KIF23: variants seen among roughly 807,000 people sequenced by gnomAD.
The protein encoded by KIF23 is kinesin-like protein KIF23.
A neutral mutation model predicts 137.5 loss-of-function variants in KIF23; 30 were observed. That is an observed-to-expected ratio of 0.22 (90% CI 0.16 to 0.30). The LOEUF (loss-of-function observed/expected upper bound fraction) is 0.30. Ranked by LOEUF, KIF23 falls within the 10% of genes least tolerant of loss-of-function variation. KIF23 has a pLI of 1.00. For synonymous variants in KIF23, 367 were observed against 391.1 expected, an observed-to-expected ratio of 0.94 and a Z score of 0.73; for missense variants, 920 against 1,194.3, an observed-to-expected ratio of 0.77 and a Z score of 3.38.
At chr15:69,418,856 C>G (rs2056982826) in intron 3 of KIF23, among the ~76,000 whole-genome samples, 1 of 152,186 alleles carries the variant, frequency 6.6e-6, no homozygotes, top group African/African-American at 2.4e-5. Flanking sequence ...GAGGCTCATG[C>G]CTGCAGTCTC....
intron 5 of KIF23, 80 bp from the exon 6 acceptor site, chr15:69,422,246 G>GT: frequency 3.4e-6 from 5 of 1,449,960 alleles, no homozygotes; most frequent in Non-Finnish European, 4.7e-6. Context: ...CTGTTCCTTA[G>GT]TTTTTAAACA....
chr15:69,432,711 A>G (rs933272031), intron 11 of KIF23, among the ~76,000 whole-genome samples: 1 of 152,172 alleles, frequency 6.6e-6, no homozygotes, highest in Admixed American at 6.5e-5. Context: ...TGTGTTTTAA[A>G]AGTATTCTTA....
intron 7 of KIF23, among the ~76,000 whole-genome samples, chr15:69,423,992 T>G (rs2057126732): frequency 6.6e-6 from 1 of 152,208 alleles, no homozygotes; most frequent in African/African-American, 2.4e-5. Flanking sequence ...AGCTAAAGGC[T>G]TGTCTTTAAT....
At chr15:69,424,962 A>G (rs1242206381) in intron 7 of KIF23, among the ~76,000 whole-genome samples, 1 of 152,226 alleles carries the variant, frequency 6.6e-6, no homozygotes, top group Non-Finnish European at 1.5e-5. Context: ...TCAAAGGATC[A>G]TATCTTGGCT....
chr15:69,440,615 A>G (rs1209474692), intron 18 of KIF23, 128 bp downstream of exon 18: 2 of 1,161,320 alleles, frequency 1.7e-6, no homozygotes, highest in Admixed American at 6.2e-5. Flanking sequence ...AAAATATTTT[A>G]AAATTTAGAA....
At chr15:69,422,652 T>A (rs1312046675) in intron 6 of KIF23, among the ~76,000 whole-genome samples, 1 of 152,166 alleles carries the variant, frequency 6.6e-6, no homozygotes, top group East Asian at 1.9e-4. Context: ...CCACTCTGGA[T>A]GGGGAGAGGG....
chr15:69,416,617 A>C (rs1222735966), intron 2 of KIF23, among the ~76,000 whole-genome samples: 1 of 152,202 alleles, frequency 6.6e-6, no homozygotes, highest in Non-Finnish European at 1.5e-5. Context: ...TGCTTTGCAC[A>C]CAGCTGAATG....
intron 19 of KIF23, chr15:69,443,814 C>G (rs1408993864): frequency 4.6e-5 from 7 of 152,022 alleles, no homozygotes; most frequent in Admixed American, 3.9e-4. Context: ...GGGTCTCATT[C>G]TATTGCCCAG....
intron 1 of KIF23, 161 bp downstream of exon 1, chr15:69,414,637 C>T (rs1020030758): frequency 4.1e-6 from 3 of 724,316 alleles, no homozygotes; most frequent in East Asian, 3.5e-5. Context: ...GGAACCTCCA[C>T]GTGTGGCCGC....
intron 3 of KIF23, 77 bp from the exon 4 acceptor site, chr15:69,421,570 C>T: frequency 1.1e-6 from 1 of 880,708 alleles, no homozygotes; most frequent in Non-Finnish European, 1.9e-6. Context: ...TCATAAACAC[C>T]TTAAGTTTAA....
chr15:69,416,949 C>CTAAA (rs60029908), intron 2 of KIF23, among the ~76,000 whole-genome samples: 126,473 of 150,264 alleles, frequency 0.84, 55,203 homozygotes, highest in Non-Finnish European at 0.97. Context: ...AACTCTGTCT[C>CTAAA]TAAATAAATA....
chr15:69,440,171 A>C (rs114575169), intron 17 of KIF23, 94 bp downstream of exon 17: 15 of 1,508,624 alleles, frequency 9.9e-6, no homozygotes, highest in Non-Finnish European at 9.0e-7. Flanking sequence ...TATTTGCGGT[A>C]GGGTTTTGGT....
intron 11 of KIF23, among the ~76,000 whole-genome samples, chr15:69,431,571 G>A (rs183243414): frequency 1.4e-3 from 206 of 151,858 alleles, no homozygotes; most frequent in African/African-American, 4.5e-3. Flanking sequence ...CCGAGATCGC[G>A]CCATTGCACT....
In KIF23 at chr15:69,429,178, G is replaced by A. The variant is rs992414764; in HGVS notation, c.1079G>A (p.Arg360Gln). 2 of 1,612,838 alleles carry A rather than the reference G, an allele frequency of 1.2e-6. No individual in the cohort carries two copies. The highest frequency in any genetic ancestry group is 1.7e-6 in the Non-Finnish European group (2 of 1,179,180). ...CTTGCTGGAAGTGAAAGAACTAACC[G>A]GACCAGAGCAGAAGGGAACAGATTA... ...VDLAGSERTN[R>Q]TRAEGNRLRE... Residue 360 changes from arginine to glutamine, a missense_variant, in exon 11 of 24, where the codon CGG (arginine) becomes CAG (glutamine). Physicochemically the swap from Arg to Gln is conservative, Grantham distance 43. This residue lies in a region of KIF23 where 714 missense variants were observed against 866.2 expected (regional missense o/e 0.82). Transcript: ENST00000679126.
chr15:69,442,919 A>C (rs1379506472), intron 19 of KIF23, among the ~76,000 whole-genome samples: 1 of 152,234 alleles, frequency 6.6e-6, no homozygotes, highest in East Asian at 1.9e-4. Flanking sequence ...CAGTGAGGAA[A>C]AAATTTAAAT....
intron 13 of KIF23, 80 bp downstream of exon 13, chr15:69,435,851 T>C: frequency 3.9e-6 from 6 of 1,532,180 alleles, no homozygotes; most frequent in Non-Finnish European, 5.3e-6. Flanking sequence ...AATGACATTT[T>C]GAATATTTTA....
In KIF23 at chr15:69,436,656, C is replaced by A; in HGVS notation, c.1531C>A (p.Leu511Met). 1 of 1,611,100 alleles carries A rather than the reference C, an allele frequency of 6.2e-7. No individual in the cohort carries two copies. The highest frequency in any genetic ancestry group is 8.5e-7 in the Non-Finnish European group (1 of 1,177,998). ...CAACGATGAGCAGACACTTCCAAGGCTGATTGAAGCCTTAGAGAAACGACA... is the reference window on the plus strand; with the variant it reads ...CAACGATGAGCAGACACTTCCAAGGATGATTGAAGCCTTAGAGAAACGACA... Reference protein sequence around the residue: ...DINDEQTLPRLIEALEKRHNL... With the variant: ...DINDEQTLPRMIEALEKRHNL... The change falls in exon 15 of 24, where the codon CTG becomes ATG. Residue 511 changes from leucine (L) to methionine (M), a missense_variant. Transcript: ENST00000679126.
chr15:69,416,111 C>A, intron 2 of KIF23, 48 bp downstream of exon 2: 1 of 1,224,054 alleles, frequency 8.2e-7, no homozygotes, highest in Non-Finnish European at 1.1e-6. Context: ...AAACTTATCT[C>A]TTCAGTCCTT....
chr15:69,417,258 G>T, intron 2 of KIF23, 125 bp from the exon 3 acceptor site: 1 of 822,700 alleles, frequency 1.2e-6, no homozygotes, highest in Non-Finnish European at 1.8e-6. Context: ...TTAGCCCTTG[G>T]AGATACAGAG....
Sources: gnomAD v4.1 joint callset for allele counts (sites outside exome capture counted in the v4.1 genomes callset) on GRCh38, gnomAD v4.1.1 for gene constraint, gnomAD v4.1.1 regional missense constraint, MANE v1.5 for transcripts, NCBI Gene and HGNC (gene_info 2026-07-23, HGNC 2026-07-21) for gene names.